AGAP1: variants seen among roughly 807,000 people sequenced by gnomAD.
AGAP1 encodes the protein arf-GAP with GTPase, ANK repeat and PH domain-containing protein 1.
AGAP1 carries 29 observed loss-of-function variants against 105.3 expected under a neutral mutation model. That is an observed-to-expected ratio of 0.28 (90% CI 0.21 to 0.38). The LOEUF (loss-of-function observed/expected upper bound fraction) is 0.38. Ranked by LOEUF, AGAP1 falls within the 10% of genes least tolerant of loss-of-function variation. The pLI, the probability that AGAP1 is intolerant of heterozygous loss-of-function variation, is 1.00. For missense variants in AGAP1, 998 were observed against 1,165.1 expected, an observed-to-expected ratio of 0.86 and a Z score of 2.09; for synonymous variants, 509 against 485.9, an observed-to-expected ratio of 1.05 and a Z score of -0.63.
At chr2:235,699,057 G>A (rs1028299928) in intron 1 of AGAP1, among the ~76,000 whole-genome samples, 13 of 134,542 alleles carry the variant, frequency 9.7e-5, no homozygotes, top group Admixed American at 7.4e-4. Flanking sequence ...GGACCACCAC[G>A]GGCATCAGAC....
chr2:235,794,028 G>T (rs1272186937), intron 6 of AGAP1, among the ~76,000 whole-genome samples: 2 of 152,038 alleles, frequency 1.3e-5, no homozygotes, highest in African/African-American at 4.8e-5. Context: ...TTATCCTCAG[G>T]TCAAGGAGGG....
chr2:236,104,658 A>C lies in AGAP1; in HGVS notation c.2115-15534A>C, dbSNP rs1321271349. Among the ~76,000 whole-genome samples, 2 of 152,208 alleles carry C rather than the reference A, an allele frequency of 1.3e-5. No homozygotes were observed. The highest frequency in any genetic ancestry group is 2.4e-5 in the African/African-American group (1 of 41,454). On this transcript the variant is annotated intron_variant, in intron 16 of 17. Transcript: ENST00000304032. This position sits in a 1 kb window ranked among gnomAD's most constrained non-coding sequence, Gnocchi z 4.7. The stretch of plus-strand genomic sequence containing the variant: ...GTAATGCCAGCACTTTGGGAGGCCA[A>C]GGTGGGTGGATCACAAGGGCAGGAG...
intron 13 of AGAP1, among the ~76,000 whole-genome samples, chr2:236,016,460 A>G (rs1203450010): frequency 2.0e-5 from 3 of 150,508 alleles, no homozygotes; most frequent in Non-Finnish European, 4.4e-5. Flanking sequence ...TTAAAAAAAA[A>G]TTGTGAGGTC....
intron 1 of AGAP1, among the ~76,000 whole-genome samples, chr2:235,521,675 T>G (rs761651012): frequency 6.6e-5 from 10 of 152,062 alleles, no homozygotes; most frequent in Non-Finnish European, 1.5e-4. Flanking sequence ...GTTCCCAATT[T>G]ATTAACAGGT....
intron 1 of AGAP1, among the ~76,000 whole-genome samples, chr2:235,686,189 C>T (rs1240325296): frequency 6.6e-6 from 1 of 152,080 alleles, no homozygotes; most frequent in Non-Finnish European, 1.5e-5. Context: ...GCTGAAGTCC[C>T]CCCAAGTGGT....
chr2:235,673,459 G>GTGT (rs2149369266), intron 1 of AGAP1, among the ~76,000 whole-genome samples: 1 of 152,310 alleles, frequency 6.6e-6, no homozygotes, highest in African/African-American at 2.4e-5. Flanking sequence ...GTAAAATGGT[G>GTGT]TGTGTTATAT....
intron 1 of AGAP1, among the ~76,000 whole-genome samples, chr2:235,544,728 G>T (rs1279245816): frequency 6.6e-6 from 1 of 152,150 alleles, no homozygotes; most frequent in African/African-American, 2.4e-5. Context: ...GAAGCCCTTC[G>T]CCTGAGGCTC....
Position 236,101,700 on chromosome 2 carries a change from T to C in AGAP1, c.2115-18492T>C, listed in dbSNP as rs1015012638. On this transcript the variant is annotated intron_variant, in intron 16 of 17. Coordinates refer to ENST00000304032, the MANE Select transcript of AGAP1 (RefSeq NM_001037131.3). The surrounding 1 kb of genome is among the most constrained non-coding windows in gnomAD (Gnocchi z 4.9). ...TTCCAAAGCCGATCACATCAGCCGC[T>C]GTTATGGTGAACGGAATTCACTGTG... 6.6e-6 allele frequency among the ~76,000 whole-genome samples: 1 copy of C among 152,198 alleles called. No homozygotes were observed. The highest frequency in any genetic ancestry group is 1.5e-5 in the Non-Finnish European group (1 of 68,036).
intron 12 of AGAP1, among the ~76,000 whole-genome samples, chr2:235,954,630 G>A (rs940564396): frequency 2.0e-4 from 30 of 150,800 alleles, no homozygotes; most frequent in African/African-American, 6.4e-4. Flanking sequence ...ATGTTTGCAC[G>A]TTCTTTAGGA....
In AGAP1 at chr2:235,649,250, C is replaced by T. The variant is rs193006502; in HGVS notation, c.164-59929C>T. On this transcript the variant is annotated intron_variant, in intron 1 of 17. Coordinates refer to ENST00000304032, the MANE Select transcript of AGAP1 (RefSeq NM_001037131.3). ...GTCTTTCCTAGGCTCAGGAGTGAGT[C>T]TAGAGGCCATGTTTATGCACAGGAA... Among the ~76,000 whole-genome samples, 21 of 152,222 alleles carry T rather than the reference C, an allele frequency of 1.4e-4. No individual in the cohort carries two copies. The East Asian group carries it at 3.9e-3, about 28-fold the overall frequency.
intron 16 of AGAP1, among the ~76,000 whole-genome samples, chr2:236,069,388 T>A (rs2058437969): frequency 6.6e-6 from 1 of 152,190 alleles, no homozygotes; most frequent in Non-Finnish European, 1.5e-5. Context: ...TATGCATTAT[T>A]TATACATATG....
rs1043865853 is a variant in AGAP1 at position 235,964,614 on chromosome 2, G to A, written c.1484-3848G>A. Among the ~76,000 whole-genome samples the A allele has an allele frequency of 1.3e-5, 2 of 152,126 alleles. No individual in the cohort carries two copies. Among genetic ancestry groups the A allele is most frequent in the Admixed American group, 6.5e-5 (1 of 15,280 alleles). On this transcript the variant is annotated intron_variant, in intron 12 of 17. Coordinates refer to ENST00000304032, the MANE Select transcript of AGAP1 (RefSeq NM_001037131.3). The surrounding 1 kb of genome is among the most constrained non-coding windows in gnomAD (Gnocchi z 4.6). The stretch of plus-strand genomic sequence containing the variant: ...TCTCTGGATGCCCCACCCCCTGAAC[G>A]TTATGAGGCTTCTGAACACTGTTAA...
In AGAP1 at chr2:235,891,246, T is replaced by G. The variant is rs541260216; in HGVS notation, c.1155+7797T>G. 5.3e-5 allele frequency among the ~76,000 whole-genome samples: 8 copies of G among 152,264 alleles called. No homozygotes were observed. The highest frequency in any genetic ancestry group is 2.0e-4 in the Admixed American group (3 of 15,292). On this transcript the variant is annotated intron_variant, in intron 10 of 17. Transcript: ENST00000304032. The surrounding 1 kb of genome is among the most constrained non-coding windows in gnomAD (Gnocchi z 4.2). ...CATTTTGCAATGATAACCCTAAACA[T>G]TTAAATAAGACTGACACGGTCAAAG...
At chr2:235,856,433 C>T (rs1204202270) in intron 9 of AGAP1, among the ~76,000 whole-genome samples, 1 of 152,224 alleles carries the variant, frequency 6.6e-6, no homozygotes, top group Admixed American at 6.5e-5. Context: ...AGTCCGATCC[C>T]TCTGGGTTGG....
intron 11 of AGAP1, among the ~76,000 whole-genome samples, chr2:235,909,174 A>C (rs1207110209): frequency 6.6e-6 from 1 of 152,244 alleles, no homozygotes; most frequent in Admixed American, 6.5e-5. Context: ...AAGTGAAGTT[A>C]ACATGTGAAC....
intron 1 of AGAP1, among the ~76,000 whole-genome samples, chr2:235,533,638 G>T (rs1455252185): frequency 6.6e-6 from 1 of 152,084 alleles, no homozygotes; most frequent in Non-Finnish European, 1.5e-5. Context: ...CTATTTTTTT[G>T]GGTCTTTGTT....
intron 8 of AGAP1, among the ~76,000 whole-genome samples, chr2:235,806,431 C>T (rs57800289): frequency 0.015 from 2,356 of 152,252 alleles, 45 homozygotes; most frequent in African/African-American, 0.053. Context: ...AGAGAGGAGA[C>T]TGAGACGATG....
At chr2:236,049,480 TTA>T in intron 16 of AGAP1, 199 bp downstream of exon 16, 1 of 519,002 alleles carries the variant, frequency 1.9e-6, no homozygotes, top group Non-Finnish European at 3.4e-6. Flanking sequence ...CCTTAATTTT[TTA>T]TGTTTGTTTT....
intron 1 of AGAP1, among the ~76,000 whole-genome samples, chr2:235,627,210 T>G (rs980467343): frequency 1.4e-5 from 2 of 147,734 alleles, no homozygotes; most frequent in East Asian, 4.0e-4. Flanking sequence ...TTTTTTTTTT[T>G]TTTTTTGATA....
Sources: gnomAD v4.1 joint callset for allele counts (sites outside exome capture counted in the v4.1 genomes callset) on GRCh38, gnomAD v4.1.1 for gene constraint, Gnocchi (gnomAD v3.1) non-coding constraint, MANE v1.5 for transcripts, NCBI Gene and HGNC (gene_info 2026-07-23, HGNC 2026-07-21) for gene names.